Variants in LHX6 observed in about 807,000 individuals in gnomAD.
LHX6 encodes the protein LIM homeobox 6, also known as LIM/homeobox protein Lhx6.
Under a neutral mutation model 47.1 loss-of-function variants are expected in LHX6, and 15 were observed. That is an observed-to-expected ratio of 0.32 (90% CI 0.21 to 0.49). The LOEUF (loss-of-function observed/expected upper bound fraction) is 0.49, where lower values mean the gene tolerates loss of function less well. Ranked by LOEUF, LHX6 falls within the 20% of genes least tolerant of loss-of-function variation. The probability of loss-of-function intolerance (pLI) is 0.99; values close to 1 mark genes in which losing one functional copy is unlikely to be tolerated. For synonymous variants in LHX6, 242 were observed against 233.5 expected (o/e 1.04, Z -0.33); for missense variants, 404 against 539.6 (o/e 0.75, Z 2.49).
At position 122,214,695 on chromosome 9, in the gene LHX6, C is replaced by T. The variant is rs573417476; in HGVS notation, c.683-312G>A. Among the ~76,000 whole-genome samples, 98 of 152,292 alleles carry T rather than the reference C, an allele frequency of 6.4e-4. No individual in the cohort carries two copies. The highest frequency in any genetic ancestry group is 2.3e-3 in the African/African-American group (96 of 41,560). ...AAAGCCCCTGCCCTGGCCCTTTCAA[C>T]TAGAATCCGAAAGCTAGCTGACCCT... On this transcript the variant is annotated intron_variant, in intron 5 of 9. Transcript: ENST00000394319. This position sits in a 1 kb window ranked among gnomAD's most constrained non-coding sequence, Gnocchi z 4.6.
In LHX6 at chr9:122,228,805, C is replaced by T. The variant is rs1831221223; in HGVS notation, c.-65G>A. On this transcript the variant is annotated 5_prime_UTR_variant, in exon 1 of 10. Coordinates refer to ENST00000394319, the MANE Select transcript of LHX6 (RefSeq NM_014368.5). ...AGAGCTGCGCCGAGGGGGACCACAGCCGCAGTGGGAGCAGAGGCTGCTGCA... is the reference window on the plus strand; with the variant it reads ...AGAGCTGCGCCGAGGGGGACCACAGTCGCAGTGGGAGCAGAGGCTGCTGCA... 4.6e-6 allele frequency: 5 copies of T among 1,095,494 alleles called. 1 individual carries two copies. The highest frequency in any genetic ancestry group is 6.9e-4 in the Middle Eastern group (2 of 2,896). The allele number at this position is 1,095,494 out of a possible 1,614,324, so 67.9% of individuals were successfully genotyped here.
Position 122,226,553 on chromosome 9 carries a change from C to G in LHX6, c.340-56G>C. 1.9e-6 allele frequency: 3 copies of G among 1,577,726 alleles called. No individual in the cohort carries two copies. The highest frequency in any genetic ancestry group is 2.6e-6 in the Non-Finnish European group (3 of 1,168,264). On this transcript the variant is annotated intron_variant, in intron 3 of 9. Coordinates refer to ENST00000394319, the MANE Select transcript of LHX6 (RefSeq NM_014368.5). The surrounding 1 kb of genome is among the most constrained non-coding windows in gnomAD (Gnocchi z 6.5). ...CAGCGCGGGCCTCTTTCACTCCGGG[C>G]CCCAGCCTTCCCGGTCTCATTTACA... is the stretch of plus-strand genomic sequence containing the variant.
intron 9 of LHX6, 112 bp downstream of exon 9, chr9:122,209,502 C>T (rs1830317014): frequency 6.6e-7 from 1 of 1,516,972 alleles, no homozygotes; most frequent in Non-Finnish European, 8.9e-7. Flanking sequence ...GCCGGGCAGA[C>T]AGGGTCTGCC....
chr9:122,227,418 C>T lies in LHX6; in HGVS notation c.147G>A (p.Pro49=). The change falls in exon 2 of 10, where the codon CCG becomes CCA. Residue 49 remains proline (P), a synonymous_variant. Coordinates refer to ENST00000394319, the MANE Select transcript of LHX6 (RefSeq NM_014368.5). The stretch of plus-strand genomic sequence containing the variant: ...GGCCAAACGGACTCACCATGGCGGG[C>T]GGCGCGGTCCCTTCAAGACAGCGGG... ...ATTRCLEGTA[P]PAMAQSDAEA... is the part of the protein sequence containing the mutation. The T allele has an allele frequency of 7.8e-7, 1 of 1,284,600 alleles. No homozygotes were observed. Among genetic ancestry groups the T allele is most frequent in the Non-Finnish European group, 1.0e-6 (1 of 986,384 alleles). 79.6% of individuals were successfully genotyped at this position (1,284,600 alleles called of 1,614,324 possible). A position where few individuals can be genotyped will look rare whatever the true frequency, so the allele number is the denominator to read the frequency against.
chr9:122,210,219 A>G (rs1320187423), intron 8 of LHX6, among the ~76,000 whole-genome samples: 1 of 106,458 alleles, frequency 9.4e-6, no homozygotes, highest in African/African-American at 3.8e-5. Context: ...TGCCCGGCCA[A>G]TTGTGATGCT....
chr9:122,228,350 C>G lies in LHX6; in HGVS notation c.84+307G>C, dbSNP rs763620559. ...CTCAGCGCTGCGCCGGCACAACCCC[C>G]GGCGCATCGGCGCTATCAGCGCCTA... On this transcript the variant is annotated intron_variant, in intron 1 of 9. Coordinates refer to ENST00000394319, the MANE Select transcript of LHX6 (RefSeq NM_014368.5). 5.9e-6 allele frequency: 9 copies of G among 1,531,344 alleles called. No homozygotes were observed. The Middle Eastern group carries it at 5.1e-4, about 86-fold the overall frequency. The allele number at this position is 1,531,344 out of a possible 1,614,324, so 94.9% of individuals were successfully genotyped here.
At chr9:122,207,119 GATGAATCCCC>G (rs1564431641) in intron 9 of LHX6, among the ~76,000 whole-genome samples, 4 of 152,178 alleles carry the variant, frequency 2.6e-5, no homozygotes, top group African/African-American at 9.7e-5. Flanking sequence ...GGTCTAATAG[GATGAATCCCC>G]TCCCACAGGA....
chr9:122,228,825 G>GCTCCCA lies in LHX6; in HGVS notation c.-86_-85insTGGGAG. ...CACAGCCGCAGTGGGAGCAGAGGCT[G>GCTCCCA]CTGCAGGAGCAGGAGGAGAGCCGAG... On this transcript the variant is annotated 5_prime_UTR_variant, in exon 1 of 10. Transcript: ENST00000394319. 1.1e-6 allele frequency: 1 copy of GCTCCCA among 948,972 alleles called. No homozygotes were observed. Among genetic ancestry groups the GCTCCCA allele is most frequent in the Non-Finnish European group, 1.4e-6 (1 of 738,972 alleles). 58.8% of individuals were successfully genotyped at this position (948,972 alleles called of 1,614,324 possible).
Position 122,228,790 on chromosome 9 carries a change from C to G in LHX6, c.-50G>C. 2.6e-6 allele frequency: 3 copies of G among 1,175,634 alleles called. No individual in the cohort carries two copies. Among genetic ancestry groups the G allele is most frequent in the South Asian group, 8.4e-5 (2 of 23,818 alleles). The allele number at this position is 1,175,634 out of a possible 1,614,324, so 72.8% of individuals were successfully genotyped here. On this transcript the variant is annotated 5_prime_UTR_variant, in exon 1 of 10. Transcript: ENST00000394319. ...GGGCGCGCAGCGCGGAGAGCTGCGC[C>G]GAGGGGGACCACAGCCGCAGTGGGA...
chr9:122,207,264 C>T lies in LHX6; in HGVS notation c.1158+2350G>A, dbSNP rs181570044. Among the ~76,000 whole-genome samples, 710 of 152,270 alleles carry T rather than the reference C, an allele frequency of 4.7e-3. 20 individuals carry two copies. The highest frequency in any genetic ancestry group is 1.4e-3 in the South Asian group (7 of 4,828). ...TCTGCAAGTGTGAAATGGAGGTCAT[C>T]GCAATCACCCTCCCAGGGAGACTAT... On this transcript the variant is annotated intron_variant, in intron 9 of 9. Coordinates refer to ENST00000394319, the MANE Select transcript of LHX6 (RefSeq NM_014368.5).
chr9:122,224,813 A>G lies in LHX6; in HGVS notation c.461+1563T>C, dbSNP rs570249850. 7.0e-4 allele frequency among the ~76,000 whole-genome samples: 106 copies of G among 152,300 alleles called. 1 individual carries two copies. The highest frequency in any genetic ancestry group is 2.4e-3 in the African/African-American group (101 of 41,542). ...AACGTTGGTCCATAAAGGAACACAC[A>G]TGCTATCTACATACCCCCAACCCTG... On this transcript the variant is annotated intron_variant, in intron 4 of 9. Coordinates refer to ENST00000394319, the MANE Select transcript of LHX6 (RefSeq NM_014368.5).
At chr9:122,218,342 A>G (rs551992598) in intron 4 of LHX6, among the ~76,000 whole-genome samples, 1 of 152,248 alleles carries the variant, frequency 6.6e-6, no homozygotes, top group South Asian at 2.1e-4. Flanking sequence ...GAATGGTGCC[A>G]CCACTTACCC....
intron 4 of LHX6, among the ~76,000 whole-genome samples, chr9:122,225,092 G>A (rs1017876597): frequency 6.6e-6 from 1 of 152,178 alleles, no homozygotes; most frequent in Non-Finnish European, 1.5e-5. Context: ...CCAGATCGCT[G>A]GAGGCTCAAT....
chr9:122,220,529 C>T (rs1446019764), intron 4 of LHX6, among the ~76,000 whole-genome samples: 1 of 152,234 alleles, frequency 6.6e-6, no homozygotes, highest in African/African-American at 2.4e-5. Context: ...GGATTCCAGA[C>T]ACAGCGAAAT....
Position 122,217,077 on chromosome 9 carries a change from C to T in LHX6, c.673G>A (p.Ala225Thr). The change falls in exon 5 of 10, where the codon GCC becomes ACC. Residue 225 changes from alanine (A) to threonine (T), a missense_variant. Physicochemically the swap from Ala to Thr is moderately conservative, Grantham distance 58 (BLOSUM62 0). Coordinates refer to ENST00000394319, the MANE Select transcript of LHX6 (RefSeq NM_014368.5). The surrounding 1 kb of genome is among the most constrained non-coding windows in gnomAD (Gnocchi z 4.9). Reference protein sequence around the residue: ...DTMIENLKRAAENGNGLTLEG... With the variant: ...DTMIENLKRATENGNGLTLEG... ...GGAGCAGGTTGGGTACCGTTCTCGG[C>T]GGCCCTCTTGAGGTTCTCAATCATG... 1 of 1,613,938 alleles carries T rather than the reference C, an allele frequency of 6.2e-7. No homozygotes were observed. Among genetic ancestry groups the T allele is most frequent in the Non-Finnish European group, 8.5e-7 (1 of 1,179,868 alleles).
At chr9:122,206,888 GC>G (rs1460012691) in intron 9 of LHX6, among the ~76,000 whole-genome samples, 1 of 152,140 alleles carries the variant, frequency 6.6e-6, no homozygotes, top group African/African-American at 2.4e-5. Context: ...ATGCCTCTGG[GC>G]CTTTGCACAT....
At chr9:122,224,036 T>A (rs2118904886) in intron 4 of LHX6, among the ~76,000 whole-genome samples, 1 of 152,108 alleles carries the variant, frequency 6.6e-6, no homozygotes, top group South Asian at 2.1e-4. Context: ...TGTTTGTTTG[T>A]TTGTTTTTTG....
chr9:122,220,073 C>A (rs1309329765), intron 4 of LHX6, among the ~76,000 whole-genome samples: 1 of 152,246 alleles, frequency 6.6e-6, no homozygotes, highest in African/African-American at 2.4e-5. Flanking sequence ...TTCTTTCCCC[C>A]TTGGCCAGGG....
intron 9 of LHX6, among the ~76,000 whole-genome samples, chr9:122,208,658 C>T (rs1830278541): frequency 6.6e-6 from 1 of 151,812 alleles, no homozygotes; most frequent in Admixed American, 6.6e-5. Context: ...GTGGCGAAAC[C>T]CCATCTCTAC....
Sources: gnomAD v4.1 joint callset for allele counts (sites outside exome capture counted in the v4.1 genomes callset) on GRCh38, gnomAD v4.1.1 for gene constraint, Gnocchi (gnomAD v3.1) non-coding constraint, MANE v1.5 for transcripts, NCBI Gene and HGNC (gene_info 2026-07-23, HGNC 2026-07-21) for gene names.